RBFOX1: variants seen among roughly 807,000 people sequenced by gnomAD.
RBFOX1 encodes RNA binding protein fox-1 homolog 1.
RBFOX1 carries 8 observed loss-of-function variants against 57.7 expected under a neutral mutation model. The observed-to-expected ratio is 0.14, with a 90% CI of 0.08 to 0.25. The LOEUF (loss-of-function observed/expected upper bound fraction) is 0.25, where lower values mean the gene tolerates loss of function less well. Ranked by LOEUF, RBFOX1 falls within the 10% of genes least tolerant of loss-of-function variation. The pLI, the probability that RBFOX1 is intolerant of heterozygous loss-of-function variation, is 1.00. For missense variants in RBFOX1, 611 were observed against 548.5 expected (o/e 1.11, Z -1.14); for synonymous variants, 326 against 222.4 (o/e 1.47, Z -4.15).
chr16:7,673,601 AC>A (rs2072308211), intron 13 of RBFOX1, among the ~76,000 whole-genome samples: 1 of 152,172 alleles, frequency 6.6e-6, no homozygotes, highest in Non-Finnish European at 1.5e-5. Context: ...TTAATGGGTA[AC>A]TACCTCAAAG....
At position 6,780,448 on chromosome 16, in the gene RBFOX1, A is replaced by G. The variant is rs1405029138; in HGVS notation, c.-16+125798A>G. Among the ~76,000 whole-genome samples the G allele has an allele frequency of 3.6e-4, 40 of 110,794 alleles. 1 individual carries two copies. The highest frequency in any genetic ancestry group is 1.5e-3 in the African/African-American group (40 of 26,290). The allele number at this position is 110,794 out of a possible 152,430, so 72.7% of individuals were successfully genotyped here. A position where few individuals can be genotyped will look rare whatever the true frequency, so the allele number is the denominator to read the frequency against. On this transcript the variant is annotated intron_variant, in intron 3 of 15. Coordinates refer to ENST00000550418, the MANE Select transcript of RBFOX1 (RefSeq NM_018723.4). ...TATATATTTATAGATATATTTATAT[A>G]TACATTTTTATATATATTTATATAC...
intron 1 of RBFOX1, among the ~76,000 whole-genome samples, chr16:6,264,991 C>G (rs2074294164): frequency 6.6e-6 from 1 of 152,168 alleles, no homozygotes; most frequent in Non-Finnish European, 1.5e-5. Context: ...GACACCCAAC[C>G]TCGTCCTGCC....
chr16:7,492,988 C>G (rs1031765573), intron 4 of RBFOX1, among the ~76,000 whole-genome samples: 5 of 152,202 alleles, frequency 3.3e-5, no homozygotes, highest in African/African-American at 1.2e-4. Flanking sequence ...AAGCGATTCT[C>G]CTGCCTCAGC....
intron 4 of RBFOX1, among the ~76,000 whole-genome samples, chr16:7,343,305 G>C (rs937163535): frequency 2.0e-5 from 3 of 152,184 alleles, no homozygotes; most frequent in Non-Finnish European, 4.4e-5. Context: ...GCTGCATCCA[G>C]ATGTTCCCCC....
chr16:5,645,826 T>C (rs2049033797), intron 3 of RBFOX1, among the ~76,000 whole-genome samples: 1 of 152,170 alleles, frequency 6.6e-6, no homozygotes, highest in Non-Finnish European at 1.5e-5. Flanking sequence ...CCACCACATC[T>C]GGCTAATTTT....
chr16:5,853,692 G>T (rs529396192), intron 3 of RBFOX1, among the ~76,000 whole-genome samples: 1 of 152,222 alleles, frequency 6.6e-6, no homozygotes, highest in Non-Finnish European at 1.5e-5. Flanking sequence ...TCCTGTAGAC[G>T]AGGGAGGTGT....
At chr16:6,561,862 C>G (rs942790595) in intron 2 of RBFOX1, among the ~76,000 whole-genome samples, 2 of 152,116 alleles carry the variant, frequency 1.3e-5, no homozygotes, top group African/African-American at 4.8e-5. Flanking sequence ...AAGTTGGATT[C>G]TGGTGAATGA....
At chr16:5,450,616 A>T (rs2068393975) in intron 1 of RBFOX1, among the ~76,000 whole-genome samples, 1 of 152,126 alleles carries the variant, frequency 6.6e-6, no homozygotes, top group African/African-American at 2.4e-5. Context: ...AAATGGCTCC[A>T]CAGGGGGATC....
chr16:6,465,492 A>G (rs12443754), intron 2 of RBFOX1, among the ~76,000 whole-genome samples: 20,240 of 152,068 alleles, frequency 0.13, 1,722 homozygotes, highest in Middle Eastern at 0.2. Flanking sequence ...GTGGGTTCCT[A>G]CAGCTCAATT....
intron 4 of RBFOX1, among the ~76,000 whole-genome samples, chr16:7,146,153 C>T (rs933908284): frequency 1.3e-5 from 2 of 152,188 alleles, no homozygotes; most frequent in Non-Finnish European, 2.9e-5. Flanking sequence ...GGCACAGTGT[C>T]GTTTACCCCA....
intron 2 of RBFOX1, among the ~76,000 whole-genome samples, chr16:6,468,839 G>C (rs1296971308): frequency 6.6e-6 from 1 of 151,842 alleles, no homozygotes; most frequent in African/African-American, 2.4e-5. Flanking sequence ...TGTAACATAG[G>C]TAAACTTGTG....
intron 4 of RBFOX1, among the ~76,000 whole-genome samples, chr16:7,150,419 T>A (rs565334638): frequency 6.6e-6 from 1 of 152,276 alleles, no homozygotes; most frequent in Admixed American, 6.5e-5. Context: ...GGGCTGTATT[T>A]GAAAACTGCT....
chr16:6,251,652 T>A (rs2097613472), intron 1 of RBFOX1, among the ~76,000 whole-genome samples: 1 of 152,060 alleles, frequency 6.6e-6, no homozygotes, highest in African/African-American at 2.4e-5. Context: ...AAAACTCTGC[T>A]CGAAGCACAG....
At chr16:5,780,104 A>C (rs959663452) in intron 3 of RBFOX1, among the ~76,000 whole-genome samples, 15 of 152,164 alleles carry the variant, frequency 9.9e-5, no homozygotes, top group Admixed American at 9.8e-4. Context: ...CCAGGTTTTA[A>C]GGAGTTCTCT....
chr16:6,388,087 C>A (rs1043174946), intron 2 of RBFOX1, among the ~76,000 whole-genome samples: 7 of 140,836 alleles, frequency 5.0e-5, no homozygotes, highest in African/African-American at 1.4e-4. Context: ...TCAAGCGATT[C>A]TTCTGCCTCA....
At chr16:5,482,192 T>G (rs4412971) in intron 2 of RBFOX1, among the ~76,000 whole-genome samples, 50,999 of 151,996 alleles carry the variant, frequency 0.34, 8,752 homozygotes, top group Middle Eastern at 0.43. Context: ...TTGTAAGACC[T>G]TTTGTTCCAG....
chr16:7,193,707 C>G (rs148809418), intron 4 of RBFOX1, among the ~76,000 whole-genome samples: 1 of 152,192 alleles, frequency 6.6e-6, no homozygotes, highest in East Asian at 1.9e-4. Flanking sequence ...AAAGCAGATG[C>G]TTAGTCAGAA....
intron 14 of RBFOX1, among the ~76,000 whole-genome samples, chr16:7,691,551 A>T (rs970641748): frequency 3.9e-5 from 6 of 152,130 alleles, no homozygotes; most frequent in Non-Finnish European, 5.9e-5. Flanking sequence ...ACTTTCAAGG[A>T]CACCATCATA....
chr16:6,419,328 G>A (rs1219564185), intron 2 of RBFOX1, among the ~76,000 whole-genome samples: 3 of 152,080 alleles, frequency 2.0e-5, no homozygotes, highest in African/African-American at 4.8e-5. Context: ...TTGACATACA[G>A]TTTCCCTGCT....
Sources: allele counts gnomAD v4.1 joint callset (sites outside exome capture counted in the v4.1 genomes callset), GRCh38; gene constraint gnomAD v4.1.1; transcripts MANE v1.5; gene names NCBI Gene and HGNC (gene_info 2026-07-23, HGNC 2026-07-21).